TRIT1: variants seen among roughly 807,000 people sequenced by gnomAD.
TRIT1 encodes tRNA isopentenyltransferase 1, also known as tRNA dimethylallyltransferase.
A neutral mutation model predicts 51.2 loss-of-function variants in TRIT1; 43 were observed. The observed-to-expected ratio is 0.84, with a 90% CI of 0.66 to 1.08. TRIT1 has a LOEUF of 1.08. Among genes scored for constraint, TRIT1 ranks in the 50% least tolerant of loss-of-function variants. TRIT1 has a pLI of 0.00. For synonymous variants in TRIT1, 184 were observed against 203.9 expected (o/e 0.90, Z 0.83); for missense variants, 528 against 578.4 (o/e 0.91, Z 0.89).
At chr1:39,851,198 T>G (rs1642545376) in intron 4 of TRIT1, among the ~76,000 whole-genome samples, 1 of 152,088 alleles carries the variant, frequency 6.6e-6, no homozygotes, top group African/African-American at 2.4e-5. Flanking sequence ...CTCACTTATC[T>G]GGAGTTAAAA....
intron 1 of TRIT1, among the ~76,000 whole-genome samples, chr1:39,874,105 C>T (rs926892239): frequency 1.3e-5 from 2 of 152,124 alleles, no homozygotes; most frequent in African/African-American, 2.4e-5. Context: ...TGAAGTGGGA[C>T]GACTGCTTGA....
chr1:39,849,626 G>A (rs751165322), intron 5 of TRIT1, among the ~76,000 whole-genome samples: 34 of 152,294 alleles, frequency 2.2e-4, no homozygotes, highest in Middle Eastern at 3.4e-3. Context: ...CTCTGAAACC[G>A]AAGTACCACA....
chr1:39,845,252 C>T (rs781303197), intron 8 of TRIT1, among the ~76,000 whole-genome samples: 3 of 152,236 alleles, frequency 2.0e-5, no homozygotes, highest in African/African-American at 2.4e-5. Flanking sequence ...TCAAGAAACA[C>T]TCCCTGGCAG....
intron 6 of TRIT1, 155 bp downstream of exon 6, chr1:39,847,831 G>A: frequency 7.1e-7 from 1 of 1,408,910 alleles, no homozygotes; most frequent in Non-Finnish European, 9.5e-7. Flanking sequence ...TTACTTTCTT[G>A]AAAAGTTAAC....
At position 39,840,044 on chromosome 1, in the gene TRIT1, T is replaced by C. The variant is rs1242414033; in HGVS notation, c.*1700A>G. On this transcript the variant is annotated 3_prime_UTR_variant, in exon 11 of 11. Coordinates refer to ENST00000316891, the MANE Select transcript of TRIT1 (RefSeq NM_017646.6). The stretch of plus-strand genomic sequence containing the variant: ...TCTACCGCTTGCTAGCTGTACTCCA[T>C]TGCTGAGCCTTAGTTTCCTCCCTGG... 6.6e-6 allele frequency among the ~76,000 whole-genome samples: 1 copy of C among 152,208 alleles called. No homozygotes were observed. The highest frequency in any genetic ancestry group is 1.5e-5 in the Non-Finnish European group (1 of 68,026).
chr1:39,863,907 G>A (rs1643389351), intron 1 of TRIT1, among the ~76,000 whole-genome samples: 1 of 152,144 alleles, frequency 6.6e-6, no homozygotes. Context: ...AAGTGATTTT[G>A]TTCACTGGGA....
intron 10 of TRIT1, among the ~76,000 whole-genome samples, chr1:39,843,478 T>C (rs1366361625): frequency 6.6e-6 from 1 of 152,196 alleles, no homozygotes; most frequent in African/African-American, 2.4e-5. Flanking sequence ...AATGCAGGGA[T>C]AGAGCCTTAG....
rs536000212 is a variant in TRIT1, at chr1:39,854,049, CG to C, written c.334del (p.Arg112GlufsTer36). 1,156 of 1,609,984 alleles carry C rather than the reference CG, an allele frequency of 7.2e-4. No individual in the cohort carries two copies. The highest frequency in any genetic ancestry group is 9.0e-4 in the Non-Finnish European group (1,061 of 1,178,026). On this transcript the variant is annotated frameshift_variant, in exon 3 of 11. Coordinates refer to ENST00000316891, the MANE Select transcript of TRIT1 (RefSeq NM_017646.6). LOFTEE classifies it high-confidence loss of function. ...ATALIEDIFARDKIPIVVGGT... is the reference protein window; with the variant it reads ...ATALIEDIFAXDKIPIVVGGT... ...TCCCACAACAATAGGAATTTTGTCT[CG>C]GGCAAATATATCTTCAATGTGAACA...
chr1:39,860,831 G>A (rs376825603), intron 1 of TRIT1, among the ~76,000 whole-genome samples: 12 of 152,172 alleles, frequency 7.9e-5, no homozygotes, highest in African/African-American at 2.7e-4. Flanking sequence ...TGTAATTCCA[G>A]CACTCTGGGA....
chr1:39,847,296 A>G lies in TRIT1; in HGVS notation c.930T>C (p.Gly310=), dbSNP rs1642284771. 6.2e-7 allele frequency: 1 copy of G among 1,613,290 alleles called. No homozygotes were observed. ...TAGTTACTTGTTTCAGAGCCTCAAT[A>G]CCTGAAAGATACAGTAGATTTAAGA... ...LETSNQLLKK[G]IEALKQVTKR... The change falls in exon 8 of 11, where the codon GGT becomes GGC. Residue 310 remains glycine (G), a splice_region_variant and synonymous_variant. Coordinates refer to ENST00000316891, the MANE Select transcript of TRIT1 (RefSeq NM_017646.6).
At position 39,844,590 on chromosome 1, in the gene TRIT1, A is replaced by C. The variant is rs1269002441; in HGVS notation, c.1057T>G (p.Ser353Ala). ...PVYGLEVSDV[S>A]KWEESVLEPA... The stretch of plus-strand genomic sequence containing the variant: ...TCAAGAACAGACTCTTCCCACTTCG[A>C]GACATCAGATACCTCTAAGCCATAG... The change falls in exon 9 of 11, where the codon TCG (serine) becomes GCG (alanine). Residue 353 changes from serine to alanine, a missense_variant. Transcript: ENST00000316891. 1.2e-6 allele frequency: 2 copies of C among 1,613,948 alleles called. No homozygotes were observed. The highest frequency in any genetic ancestry group is 1.7e-6 in the Non-Finnish European group (2 of 1,179,976).
Position 39,848,386 on chromosome 1 carries a change from T to C in TRIT1, c.704-289A>G, listed in dbSNP as rs976407294. ...ACAAATATTTTATTCTCATATGGAA[T>C]GTGTTTTAGAGGTGGCTGAGGATCC... On this transcript the variant is annotated intron_variant, in intron 5 of 10. Transcript: ENST00000316891. 1.4e-4 allele frequency among the ~76,000 whole-genome samples: 22 copies of C among 152,106 alleles called. 1 individual carries two copies. The highest frequency in any genetic ancestry group is 1.4e-3 in the Admixed American group (21 of 15,260).
rs1056112344 is a variant in TRIT1 at position 39,844,744 on chromosome 1, T to C, written c.1007-104A>G. ...AGGGAAATACACAGAGCCAAAGGAG[T>C]AAACATTCTGACCATGCTGTTAATT... is the stretch of plus-strand genomic sequence containing the variant. On this transcript the variant is annotated intron_variant, in intron 8 of 10. Coordinates refer to ENST00000316891, the MANE Select transcript of TRIT1 (RefSeq NM_017646.6). The C allele has an allele frequency of 5.2e-6, 4 of 763,480 alleles. No homozygotes were observed. In the African/African-American group the frequency reaches 7.0e-5, roughly 13 times the overall value. The allele number at this position is 763,480 out of a possible 1,614,324, so 47.3% of individuals were successfully genotyped here. A position where few individuals can be genotyped will look rare whatever the true frequency, so the allele number is the denominator to read the frequency against.
intron 1 of TRIT1, among the ~76,000 whole-genome samples, chr1:39,863,685 A>C (rs1423174566): frequency 6.6e-6 from 1 of 151,762 alleles, no homozygotes; most frequent in Non-Finnish European, 1.5e-5. Context: ...AATAACCTGA[A>C]CTCTCCAAAT....
chr1:39,866,226 G>A (rs1005356600), intron 1 of TRIT1, among the ~76,000 whole-genome samples: 1 of 152,014 alleles, frequency 6.6e-6, no homozygotes, highest in Non-Finnish European at 1.5e-5. Flanking sequence ...AGGCTAGAGT[G>A]CAGTGGCATG....
rs778275776 is a variant in TRIT1 at position 39,857,317 on chromosome 1, T to C, written c.275A>G (p.Asn92Ser). 4.3e-6 allele frequency: 7 copies of C among 1,613,718 alleles called. No individual in the cohort carries two copies. Among genetic ancestry groups the C allele is most frequent in the Non-Finnish European group, 5.9e-6 (7 of 1,179,886 alleles). Residue 92 changes from asparagine (N) to serine (S), a missense_variant, in exon 2 of 11, where the codon AAT (asparagine) becomes AGT (serine). Asn to Ser is a conservative substitution (Grantham distance 46, BLOSUM62 1). Coordinates refer to ENST00000316891, the MANE Select transcript of TRIT1 (RefSeq NM_017646.6). ...MISFVDPLVT[N>S]YTVVDFRNRA... Reference sequence around the variant, plus strand: ...ATTTCTGAAGTCCACCACTGTGTAATTGGTCACAAGAGGATCCACAAAGCT... The same window carrying C: ...ATTTCTGAAGTCCACCACTGTGTAACTGGTCACAAGAGGATCCACAAAGCT...
chr1:39,860,846 G>A (rs181575193), intron 1 of TRIT1, among the ~76,000 whole-genome samples: 145 of 152,286 alleles, frequency 9.5e-4, no homozygotes, highest in Non-Finnish European at 1.7e-3. Flanking sequence ...CTGGGAGGCC[G>A]AGGCAGGCAG....
intron 8 of TRIT1, 40 bp downstream of exon 8, chr1:39,847,180 G>T: frequency 6.4e-7 from 1 of 1,551,830 alleles, no homozygotes. Flanking sequence ...ATATTCTATT[G>T]AAAACAGACC....
intron 1 of TRIT1, among the ~76,000 whole-genome samples, chr1:39,873,780 T>C (rs923738000): frequency 6.6e-6 from 1 of 152,080 alleles, no homozygotes; most frequent in Non-Finnish European, 1.5e-5. Context: ...TCCCAGCACT[T>C]TGGGAGGCAG....
Sources: allele counts gnomAD v4.1 joint callset (sites outside exome capture counted in the v4.1 genomes callset), GRCh38; gene constraint gnomAD v4.1.1; transcripts MANE v1.5; gene names NCBI Gene and HGNC (gene_info 2026-07-23, HGNC 2026-07-21).